CELF2: variants seen among roughly 807,000 people sequenced by gnomAD.
The protein encoded by CELF2 is CUG triplet repeat RNA-binding protein 2.
Under a neutral mutation model 62.6 loss-of-function variants are expected in CELF2, and 8 were observed. The ratio of observed to expected loss-of-function variants is 0.13; its 90% CI spans 0.07 to 0.23. CELF2 has a LOEUF of 0.23. Among genes scored for constraint, CELF2 ranks in the 10% least tolerant of loss-of-function variants. The pLI is 1.00. For synonymous variants in CELF2, 258 were observed against 250.0 expected (o/e 1.03, Z -0.30); for missense variants, 333 against 671.0 (o/e 0.50, Z 5.56).
chr10:10,753,506 C>A, the CELF2 span, among the ~76,000 whole-genome samples: 1 of 152,146 alleles, frequency 6.6e-6, no homozygotes, highest in African/African-American at 2.4e-5. Context: ...GGTATCATTG[C>A]GGATACGAAT....
chr10:10,546,613 G>T, the CELF2 span, among the ~76,000 whole-genome samples: 1 of 152,124 alleles, frequency 6.6e-6, no homozygotes, highest in Non-Finnish European at 1.5e-5. Flanking sequence ...AGCTCATTTG[G>T]ACAATTACGG....
Position 11,333,282 on chromosome 10 carries a change from T to TTATC in CELF2, c.*4231_*4234dup, listed in dbSNP as rs1328812055. 6.6e-6 allele frequency: 1 copy of TTATC among 152,600 alleles called. No homozygotes were observed. Among genetic ancestry groups the TTATC allele is most frequent in the African/African-American group, 2.4e-5 (1 of 41,450 alleles). The allele number at this position is 152,600 out of a possible 1,614,324, so 9.5% of individuals were successfully genotyped here. On this transcript the variant is annotated 3_prime_UTR_variant, in exon 13 of 13. Transcript: ENST00000633077. Reference sequence around the variant, plus strand: ...AGACAAACTGTCCTTCTATCCACTTTTATCTTTTAATAAATATCAAAAGGA... The same window carrying TTATC: ...AGACAAACTGTCCTTCTATCCACTTTTATCTATCTTTTAATAAATATCAAAAGGA...
intron 1 of CELF2, among the ~76,000 whole-genome samples, chr10:11,073,095 A>G (rs2070677667): frequency 6.6e-6 from 1 of 152,194 alleles, no homozygotes; most frequent in Admixed American, 6.5e-5. Context: ...ATATAATTAT[A>G]CCAAAATATT....
At chr10:10,736,799 C>T in the CELF2 span, among the ~76,000 whole-genome samples, 121 of 152,126 alleles carry the variant, frequency 8.0e-4, no homozygotes, top group African/African-American at 2.8e-3. Context: ...AATGAGAACA[C>T]CAACACCAAT....
chr10:10,682,906 T>C, the CELF2 span, among the ~76,000 whole-genome samples: 891 of 152,292 alleles, frequency 5.9e-3, 2 homozygotes, highest in Non-Finnish European at 8.2e-3. Flanking sequence ...GGGTCTGTTT[T>C]GAGAATGGAA....
chr10:11,203,819 G>A (rs376741404), intron 2 of CELF2, among the ~76,000 whole-genome samples: 99 of 152,214 alleles, frequency 6.5e-4, no homozygotes, highest in African/African-American at 2.2e-3. Context: ...CCCATGACCC[G>A]CGTTCTCACC....
intron 9 of CELF2, among the ~76,000 whole-genome samples, chr10:11,289,764 A>G (rs1408761265): frequency 1.3e-5 from 2 of 152,232 alleles, no homozygotes; most frequent in Non-Finnish European, 2.9e-5. Flanking sequence ...TAATTTCAGG[A>G]AGTTAAGTGA....
the CELF2 span, among the ~76,000 whole-genome samples, chr10:10,729,458 T>A: frequency 6.6e-6 from 1 of 152,220 alleles, no homozygotes; most frequent in African/African-American, 2.4e-5. Context: ...GAAAGCAACA[T>A]GCCAAAAAGC....
rs1409008940 is a variant in CELF2, at chr10:11,223,312, G to A, written c.354+5805G>A. Among the ~76,000 whole-genome samples the A allele has an allele frequency of 6.6e-6, 1 of 152,242 alleles. No homozygotes were observed. Among genetic ancestry groups the A allele is most frequent in the Non-Finnish European group, 1.5e-5 (1 of 68,048 alleles). The stretch of plus-strand genomic sequence containing the variant: ...GCACTGTGTCTGCCTCCTCATTTGT[G>A]TAGGTGTGAACTCTCCTTGTGGAGC... On this transcript the variant is annotated intron_variant, in intron 3 of 12. Transcript: ENST00000633077. This position sits in a 1 kb window ranked among gnomAD's most constrained non-coding sequence, Gnocchi z 5.1.
intron 2 of CELF2, among the ~76,000 whole-genome samples, chr10:11,167,816 C>T (rs1478756023): frequency 6.6e-6 from 1 of 152,200 alleles, no homozygotes; most frequent in African/African-American, 2.4e-5. Flanking sequence ...CATGTGTCCT[C>T]ATTTTGTCCT....
rs1279622349 is a variant in CELF2 at position 11,243,913 on chromosome 10, G to A, written c.355-5240G>A. 3.3e-5 allele frequency among the ~76,000 whole-genome samples: 5 copies of A among 152,246 alleles called. No homozygotes were observed. Among genetic ancestry groups the A allele is most frequent in the Non-Finnish European group, 7.3e-5 (5 of 68,036 alleles). The stretch of plus-strand genomic sequence containing the variant: ...ATCGTGTACTCCCTTGTCATAGACA[G>A]AGGAAGGAGGTGGCCCCTGGGAACT... On this transcript the variant is annotated intron_variant, in intron 3 of 12. Coordinates refer to ENST00000633077, the MANE Select transcript of CELF2 (RefSeq NM_001326342.2). This position sits in a 1 kb window ranked among gnomAD's most constrained non-coding sequence, Gnocchi z 4.1.
rs1225999670 is a variant in CELF2 at position 11,018,134 on chromosome 10, C to T, written c.45C>T (p.Val15=). 6 of 1,522,790 alleles carry T rather than the reference C, an allele frequency of 3.9e-6. No homozygotes were observed. Among genetic ancestry groups the T allele is most frequent in the African/African-American group, 1.4e-5 (1 of 69,192 alleles). The allele number at this position is 1,522,790 out of a possible 1,614,324, so 94.3% of individuals were successfully genotyped here. A position where few individuals can be genotyped will look rare whatever the true frequency, so the allele number is the denominator to read the frequency against. The part of the protein sequence containing the change: ...FKLDFLPDMM[V]EGRLLVPDRI... ...TGGATTTCCTCCCGGACATGATGGTCGAGGGCCGCCTGCTCGTTCCTGACA... is the reference window on the plus strand; with the variant it reads ...TGGATTTCCTCCCGGACATGATGGTTGAGGGCCGCCTGCTCGTTCCTGACA... Residue 15 remains valine (V), a synonymous_variant, in exon 1 of 13, where the codon GTC becomes GTT. Coordinates refer to ENST00000633077, the MANE Select transcript of CELF2 (RefSeq NM_001326342.2).
At chr10:11,094,583 G>C (rs1173248684) in intron 1 of CELF2, among the ~76,000 whole-genome samples, 1 of 152,088 alleles carries the variant, frequency 6.6e-6, no homozygotes, top group Non-Finnish European at 1.5e-5. Flanking sequence ...AATTTCTTTG[G>C]AAGGGGAAAA....
chr10:11,057,887 A>C (rs2065689890), intron 1 of CELF2, among the ~76,000 whole-genome samples: 1 of 152,220 alleles, frequency 6.6e-6, no homozygotes, highest in South Asian at 2.1e-4. Flanking sequence ...CACAAAGAAC[A>C]ATTATATTTA....
Position 11,207,182 on chromosome 10 carries a change from C to A in CELF2, c.272-10243C>A, listed in dbSNP as rs576620535. On this transcript the variant is annotated intron_variant, in intron 2 of 12. Coordinates refer to ENST00000633077, the MANE Select transcript of CELF2 (RefSeq NM_001326342.2). The surrounding 1 kb of genome is among the most constrained non-coding windows in gnomAD (Gnocchi z 4.1). ...AGGAAGTGTTACAGTATACACATAGCTGTGCATATTAGGCTGCACTTGCTT... is the reference window on the plus strand; with the variant it reads ...AGGAAGTGTTACAGTATACACATAGATGTGCATATTAGGCTGCACTTGCTT... 1.3e-3 allele frequency among the ~76,000 whole-genome samples: 201 copies of A among 152,356 alleles called. 3 individuals carry two copies. The highest frequency in any genetic ancestry group is 4.6e-3 in the African/African-American group (192 of 41,582).
At chr10:10,755,275 T>C in the CELF2 span, among the ~76,000 whole-genome samples, 1 of 152,172 alleles carries the variant, frequency 6.6e-6, no homozygotes, top group Admixed American at 6.5e-5. Flanking sequence ...AGTTTCTTCC[T>C]CTCTCATATT....
intron 9 of CELF2, among the ~76,000 whole-genome samples, chr10:11,307,399 G>A (rs1246414634): frequency 1.3e-5 from 2 of 152,256 alleles, no homozygotes; most frequent in Non-Finnish European, 1.5e-5. Context: ...CAGATCAGTG[G>A]CTGTGCAGTC....
the CELF2 span, among the ~76,000 whole-genome samples, chr10:10,511,268 G>C: frequency 1.3e-5 from 2 of 152,082 alleles, no homozygotes; most frequent in Non-Finnish European, 2.9e-5. Context: ...AAAATTAGCT[G>C]GGCATGGTGG....
chr10:11,016,886 G>T (rs191477995), upstream of CELF2, among the ~76,000 whole-genome samples: 44 of 152,334 alleles, frequency 2.9e-4, no homozygotes, highest in Non-Finnish European at 4.7e-4. This position sits in a 1 kb window ranked among gnomAD's most constrained non-coding sequence, Gnocchi z 5.2. Context: ...AAAATCAAGT[G>T]AAGGTTTCTC....
Sources: allele counts gnomAD v4.1 joint callset (sites outside exome capture counted in the v4.1 genomes callset), GRCh38; gene constraint gnomAD v4.1.1; non-coding constraint Gnocchi (gnomAD v3.1); transcripts MANE v1.5; gene names NCBI Gene and HGNC (gene_info 2026-07-23, HGNC 2026-07-21).